The following ANTXR1 variants were observed in gnomAD, a reference collection of about 807,000 sequenced individuals.
ANTXR1 encodes the protein anthrax toxin receptor 1.
ANTXR1 carries 19 observed loss-of-function variants against 78.1 expected under a neutral mutation model. That is an observed-to-expected ratio of 0.24 (90% CI 0.17 to 0.36). The LOEUF is 0.36. Among genes scored for constraint, ANTXR1 ranks in the 10% least tolerant of loss-of-function variants. The probability of loss-of-function intolerance (pLI) is 1.00; values close to 1 mark genes in which losing one functional copy is unlikely to be tolerated. For synonymous variants in ANTXR1, 273 were observed against 260.5 expected, an observed-to-expected ratio of 1.05 and a Z score of -0.46; for missense variants, 518 against 718.6, an observed-to-expected ratio of 0.72 and a Z score of 3.19.
chr2:69,236,347 T>C (rs1364526678), intron 17 of ANTXR1, among the ~76,000 whole-genome samples: 2 of 152,202 alleles, frequency 1.3e-5, no homozygotes, highest in African/African-American at 4.8e-5. Flanking sequence ...TATATGTATA[T>C]GTATACACAC....
intron 12 of ANTXR1, among the ~76,000 whole-genome samples, chr2:69,149,083 G>T (rs4854550): frequency 0.4 from 60,675 of 152,064 alleles, 12,480 homozygotes; most frequent in East Asian, 0.71. Flanking sequence ...GGATATCCAG[G>T]GGCTTCTGGA....
chr2:69,044,409 A>G (rs905821062), intron 2 of ANTXR1, among the ~76,000 whole-genome samples: 11 of 152,316 alleles, frequency 7.2e-5, no homozygotes, highest in African/African-American at 2.4e-4. Context: ...TATAGACACC[A>G]TACAGATTGG....
intron 14 of ANTXR1, among the ~76,000 whole-genome samples, chr2:69,177,730 C>T (rs1354989427): frequency 2.0e-5 from 3 of 152,166 alleles, no homozygotes; most frequent in African/African-American, 4.8e-5. Context: ...AATCCAACTG[C>T]GCAGCAAATT....
At position 69,193,408 on chromosome 2, in the gene ANTXR1, G is replaced by A. The variant is rs1674588955; in HGVS notation, c.1427G>A (p.Gly476Glu). 1 of 1,613,180 alleles carries A rather than the reference G, an allele frequency of 6.2e-7. No homozygotes were observed. Among genetic ancestry groups the A allele is most frequent in the African/African-American group, 1.3e-5 (1 of 74,784 alleles). The change falls in exon 17 of 18, where the codon GGA (glycine) becomes GAA (glutamate). Residue 476 changes from glycine to glutamate, a missense_variant. Gly to Glu is a moderately conservative substitution (Grantham distance 98). Coordinates refer to ENST00000303714, the MANE Select transcript of ANTXR1 (RefSeq NM_032208.3). The stretch of plus-strand genomic sequence containing the variant: ...GTGTCTGTGATGCGTCCACAGCCAG[G>A]AGACACGGTAGGACTCGTTAATTCA... ...DRVSVMRPQP[G>E]DTGRCINFTR...
intron 12 of ANTXR1, among the ~76,000 whole-genome samples, chr2:69,136,405 T>A (rs567551522): frequency 9.2e-5 from 14 of 152,286 alleles, no homozygotes; most frequent in Admixed American, 3.9e-4. Context: ...ACTCAACAAA[T>A]TTATAAAAAT....
chr2:69,204,972 T>C (rs1330197498), intron 17 of ANTXR1, among the ~76,000 whole-genome samples: 2 of 152,156 alleles, frequency 1.3e-5, no homozygotes, highest in Admixed American at 1.3e-4. Flanking sequence ...ATTCATCCAG[T>C]TAATACATCC....
At chr2:69,032,670 C>G (rs566732376) in intron 1 of ANTXR1, among the ~76,000 whole-genome samples, 1 of 152,282 alleles carries the variant, frequency 6.6e-6, no homozygotes, top group Non-Finnish European at 1.5e-5. Flanking sequence ...GTATTCTTAA[C>G]AACAGTGCTT....
chr2:69,090,550 C>T (rs767158200), intron 8 of ANTXR1: 10 of 425,076 alleles, frequency 2.4e-5, no homozygotes, highest in Admixed American at 7.2e-5. Flanking sequence ...GTCCCATTTC[C>T]GCAACCCTAT....
intron 10 of ANTXR1, among the ~76,000 whole-genome samples, chr2:69,112,055 T>C (rs1487565502): frequency 6.6e-6 from 1 of 152,164 alleles, no homozygotes; most frequent in Non-Finnish European, 1.5e-5. Context: ...GTGAAGGTGA[T>C]GAAATGCCAT....
intron 13 of ANTXR1, among the ~76,000 whole-genome samples, chr2:69,154,870 T>G (rs954404392): frequency 1.3e-5 from 2 of 151,970 alleles, no homozygotes; most frequent in African/African-American, 4.8e-5. Context: ...AGTGGCTGGG[T>G]ATGTGAAGGG....
chr2:69,195,263 T>C (rs1173642439), intron 17 of ANTXR1, among the ~76,000 whole-genome samples: 1 of 152,078 alleles, frequency 6.6e-6, no homozygotes, highest in Non-Finnish European at 1.5e-5. Flanking sequence ...TGTCTGGGGA[T>C]GGTTGATACA....
intron 9 of ANTXR1, among the ~76,000 whole-genome samples, chr2:69,092,629 G>A (rs1671276332): frequency 6.6e-6 from 1 of 152,240 alleles, no homozygotes; most frequent in African/African-American, 2.4e-5. Context: ...AGGGGTAAAT[G>A]TGATTGCCAC....
intron 3 of ANTXR1, among the ~76,000 whole-genome samples, chr2:69,055,236 G>C (rs1670035496): frequency 1.3e-5 from 2 of 152,096 alleles, no homozygotes; most frequent in Admixed American, 1.3e-4. Flanking sequence ...AGCTCCCCTT[G>C]GCCCACATCC....
intron 9 of ANTXR1, among the ~76,000 whole-genome samples, chr2:69,092,903 A>G (rs939236329): frequency 6.6e-6 from 1 of 152,224 alleles, no homozygotes; most frequent in African/African-American, 2.4e-5. Flanking sequence ...CACACATTTT[A>G]TAGTTCTGTA....
chr2:69,172,882 C>T (rs1674032469), intron 14 of ANTXR1, among the ~76,000 whole-genome samples: 3 of 152,166 alleles, frequency 2.0e-5, no homozygotes, highest in Admixed American at 2.0e-4. Context: ...AGGGACATTT[C>T]CTGGGTTAAG....
At chr2:69,180,411 G>GAAT (rs1674244001) in intron 14 of ANTXR1, among the ~76,000 whole-genome samples, 1 of 152,128 alleles carries the variant, frequency 6.6e-6, no homozygotes, top group Non-Finnish European at 1.5e-5. Context: ...ATCCATCCAT[G>GAAT]ACTATAAATG....
chr2:69,125,304 CTA>C (rs1672497788), intron 12 of ANTXR1, among the ~76,000 whole-genome samples: 1 of 152,262 alleles, frequency 6.6e-6, no homozygotes, highest in South Asian at 2.1e-4. Context: ...TCATTCCTGG[CTA>C]TATATAAAAT....
At chr2:69,061,780 T>A (rs1670253716) in intron 3 of ANTXR1, among the ~76,000 whole-genome samples, 1 of 152,218 alleles carries the variant, frequency 6.6e-6, no homozygotes, top group Admixed American at 6.5e-5. Context: ...TAAGAGATAC[T>A]AGAGTGTATT....
Position 69,245,409 on chromosome 2 carries a change from T to C in ANTXR1, c.1619T>C (p.Leu540Pro), listed in dbSNP as rs1445188941. The C allele has an allele frequency of 9.3e-7, 1 of 1,070,584 alleles. No homozygotes were observed. Among genetic ancestry groups the C allele is most frequent in the Non-Finnish European group, 1.3e-6 (1 of 781,942 alleles). 66.3% of individuals were successfully genotyped at this position (1,070,584 alleles called of 1,614,324 possible). A position where few individuals can be genotyped will look rare whatever the true frequency, so the allele number is the denominator to read the frequency against. ...CCCATCCCGTCCCCACCTTCCACCC[T>C]TCCCCCTCCTCCCCAGGCTCCACCT... ...TPPIPSPPSTLPPPPQAPPPN... is the reference protein window; with the variant it reads ...TPPIPSPPSTPPPPPQAPPPN... Residue 540 changes from leucine to proline, a missense_variant, in exon 18 of 18, where the codon CTT becomes CCT. By Grantham distance (98) the Leu-to-Pro change is moderately conservative (BLOSUM62 -3). This residue lies in a region of ANTXR1 where 192 missense variants were observed against 230.2 expected (regional missense o/e 0.83). Transcript: ENST00000303714.
Sources: gnomAD v4.1 joint callset for allele counts (sites outside exome capture counted in the v4.1 genomes callset) on GRCh38, gnomAD v4.1.1 for gene constraint, gnomAD v4.1.1 regional missense constraint, MANE v1.5 for transcripts, NCBI Gene and HGNC (gene_info 2026-07-23, HGNC 2026-07-21) for gene names.